Variants in PTPRQ observed in about 807,000 individuals in gnomAD.
PTPRQ encodes phosphatidylinositol phosphatase PTPRQ.
In PTPRQ, 199 loss-of-function variants were observed where a neutral mutation model predicts 246.0. The ratio of observed to expected loss-of-function variants is 0.81; its 90% CI spans 0.72 to 0.91. PTPRQ has a LOEUF of 0.91. Ranked by LOEUF, PTPRQ falls within the 40% of genes least tolerant of loss-of-function variation. The pLI is 0.00. For synonymous variants in PTPRQ, 869 were observed against 853.2 expected, an observed-to-expected ratio of 1.02 and a Z score of -0.32; for missense variants, 2,624 against 2,528.4, an observed-to-expected ratio of 1.04 and a Z score of -0.81.
At chr12:80,479,790 A>G (rs1406324193) in intron 8 of PTPRQ, among the ~76,000 whole-genome samples, 1 of 152,150 alleles carries the variant, frequency 6.6e-6, no homozygotes, top group Admixed American at 6.5e-5. Context: ...AGGCCATTAC[A>G]TAATGGTAAA....
chr12:80,657,889 G>A (rs1366722336), intron 38 of PTPRQ, 96 bp from the exon 39 acceptor site: 2 of 884,808 alleles, frequency 2.3e-6, no homozygotes, highest in Non-Finnish European at 3.2e-6. Context: ...AAATTGGAAT[G>A]TTATATTATG....
intron 25 of PTPRQ, among the ~76,000 whole-genome samples, chr12:80,584,839 A>T (rs1254254535): frequency 2.6e-5 from 4 of 152,280 alleles, no homozygotes; most frequent in African/African-American, 9.6e-5. Context: ...GAGGCATTTG[A>T]AAAAATTATG....
intron 27 of PTPRQ, 85 bp from the exon 28 acceptor site, chr12:80,610,354 A>T: frequency 8.3e-7 from 1 of 1,211,746 alleles, no homozygotes; most frequent in Non-Finnish European, 1.1e-6. Context: ...AGATAAATAC[A>T]TCTCACGTAG....
chr12:80,575,058 A>T (rs1176648208), intron 25 of PTPRQ, among the ~76,000 whole-genome samples: 1 of 152,194 alleles, frequency 6.6e-6, no homozygotes, highest in Admixed American at 6.5e-5. Flanking sequence ...TTATCACCAG[A>T]TCAGAGTTCC....
At chr12:80,567,411 A>G (rs2120940844) in intron 25 of PTPRQ, among the ~76,000 whole-genome samples, 1 of 152,316 alleles carries the variant, frequency 6.6e-6, no homozygotes, top group Admixed American at 6.5e-5. Context: ...TGTACAATTC[A>G]ATGAGTTTTG....
chr12:80,519,564 TA>T (rs1328004312), intron 17 of PTPRQ, among the ~76,000 whole-genome samples: 1 of 152,048 alleles, frequency 6.6e-6, no homozygotes, highest in Non-Finnish European at 1.5e-5. Context: ...GTAGGAGCTT[TA>T]TGCGGAAAGG....
intron 3 of PTPRQ, among the ~76,000 whole-genome samples, chr12:80,457,205 T>C (rs1592526157): frequency 6.6e-6 from 1 of 152,098 alleles, no homozygotes; most frequent in African/African-American, 2.4e-5. Context: ...AGGTACCATA[T>C]ACATGGTCTC....
At chr12:80,582,505 C>T (rs949810548) in intron 25 of PTPRQ, among the ~76,000 whole-genome samples, 6 of 152,084 alleles carry the variant, frequency 3.9e-5, no homozygotes, top group African/African-American at 1.4e-4. Context: ...GGGATTAATG[C>T]CCTTATAAAA....
intron 14 of PTPRQ, among the ~76,000 whole-genome samples, chr12:80,497,374 A>T (rs546875480): frequency 6.6e-6 from 1 of 152,008 alleles, no homozygotes; most frequent in African/African-American, 2.4e-5. Flanking sequence ...TTGCGCTCCA[A>T]TGAAAATCTA....
At position 80,633,779 on chromosome 12, in the gene PTPRQ, T is replaced by C. The variant is rs140399837; in HGVS notation, c.5787-1166T>C. On this transcript the variant is annotated intron_variant, in intron 34 of 44. Transcript: ENST00000644991. Reference sequence around the variant, plus strand: ...TTTGAATGCTATAATGTGTAAAATATGGGCCTTTCCCTAAGGAGTATGGAC... The same window carrying C: ...TTTGAATGCTATAATGTGTAAAATACGGGCCTTTCCCTAAGGAGTATGGAC... Among the ~76,000 whole-genome samples the C allele has an allele frequency of 4.5e-3, 678 of 152,330 alleles. 3 individuals are homozygous for C. The highest frequency in any genetic ancestry group is 7.0e-3 in the Non-Finnish European group (479 of 68,030).
At chr12:80,600,028 C>A (rs1477759959) in intron 26 of PTPRQ, among the ~76,000 whole-genome samples, 1 of 151,750 alleles carries the variant, frequency 6.6e-6, no homozygotes, top group Non-Finnish European at 1.5e-5. Flanking sequence ...TTATCAAGAA[C>A]TTTACTGAAA....
intron 43 of PTPRQ, 113 bp from the exon 44 acceptor site, chr12:80,678,489 A>T: frequency 4.8e-6 from 6 of 1,253,908 alleles, no homozygotes; most frequent in Non-Finnish European, 6.2e-6. Context: ...TGTGTCTGTA[A>T]CTTAGCTATT....
intron 35 of PTPRQ, among the ~76,000 whole-genome samples, chr12:80,646,235 A>T (rs1039631046): frequency 1.3e-5 from 2 of 152,144 alleles, no homozygotes; most frequent in Admixed American, 6.5e-5. Context: ...AAAGGCAGAG[A>T]CCTTTAAATA....
At chr12:80,665,328 G>A (rs983688241) in intron 39 of PTPRQ, among the ~76,000 whole-genome samples, 2 of 151,934 alleles carry the variant, frequency 1.3e-5, no homozygotes, top group Non-Finnish European at 2.9e-5. Context: ...CAATCAAGAT[G>A]ACACTCAATA....
At chr12:80,621,527 G>T (rs1424117378) in intron 32 of PTPRQ, among the ~76,000 whole-genome samples, 2 of 151,752 alleles carry the variant, frequency 1.3e-5, no homozygotes, top group Non-Finnish European at 2.9e-5. Context: ...ATCTTCTTCT[G>T]TATCCTTTAC....
chr12:80,632,680 G>A (rs560400266), intron 34 of PTPRQ, among the ~76,000 whole-genome samples: 3 of 152,148 alleles, frequency 2.0e-5, no homozygotes, highest in Non-Finnish European at 4.4e-5. Context: ...ACTGAAAGAA[G>A]TTGTCTCCCA....
chr12:80,569,360 T>C (rs1565791943), intron 25 of PTPRQ, among the ~76,000 whole-genome samples: 1 of 133,426 alleles, frequency 7.5e-6, no homozygotes, highest in Non-Finnish European at 1.6e-5. Context: ...CAGTCTATCA[T>C]TGTTGGACAT....
intron 3 of PTPRQ, among the ~76,000 whole-genome samples, chr12:80,446,978 T>C (rs1892574080): frequency 6.6e-6 from 1 of 152,046 alleles, no homozygotes; most frequent in Non-Finnish European, 1.5e-5. Context: ...TTTCAGGTCT[T>C]TGAGAAATCT....
Position 80,494,873 on chromosome 12 carries a change from T to C in PTPRQ, c.1541-60T>C, listed in dbSNP as rs1894561000. 6.2e-5 allele frequency: 91 copies of C among 1,471,518 alleles called. 1 individual carries two copies. The South Asian group carries it at 1.3e-3, about 21-fold the overall frequency. The allele number at this position is 1,471,518 out of a possible 1,614,324, so 91.2% of individuals were successfully genotyped here. On this transcript the variant is annotated intron_variant, in intron 10 of 44. Transcript: ENST00000644991. ...AAGATTTTATAGTCTAAGAAAAAAATAATTTTGATTGTGAAGCCAAACACC... is the reference window on the plus strand; with the variant it reads ...AAGATTTTATAGTCTAAGAAAAAAACAATTTTGATTGTGAAGCCAAACACC...
Sources: allele counts gnomAD v4.1 joint callset (sites outside exome capture counted in the v4.1 genomes callset), GRCh38; gene constraint gnomAD v4.1.1; transcripts MANE v1.5; gene names NCBI Gene and HGNC (gene_info 2026-07-23, HGNC 2026-07-21).